The following RNLS variants were observed in gnomAD, a reference collection of about 807,000 sequenced individuals.
RNLS encodes the protein renalase.
Under a neutral mutation model 39.8 loss-of-function variants are expected in RNLS, and 39 were observed. The ratio of observed to expected loss-of-function variants is 0.98; its 90% CI spans 0.76 to 1.28. The LOEUF (loss-of-function observed/expected upper bound fraction) is 1.28, where lower values mean the gene tolerates loss of function less well. RNLS is among the 50% of genes most tolerant of loss of function. The probability of loss-of-function intolerance (pLI) is 0.00; values close to 1 mark genes in which losing one functional copy is unlikely to be tolerated. For synonymous variants in RNLS, 147 were observed against 150.7 expected, an observed-to-expected ratio of 0.98 and a Z score of 0.18; for missense variants, 410 against 413.3, an observed-to-expected ratio of 0.99 and a Z score of 0.07.
chr10:88,498,614 T>C (rs942661621), intron 4 of RNLS, among the ~76,000 whole-genome samples: 5 of 150,980 alleles, frequency 3.3e-5, no homozygotes, highest in Non-Finnish European at 7.4e-5. Context: ...ATTGTCAATA[T>C]GTAATTATGT....
At chr10:88,280,449 A>G (rs1342336725), downstream of RNLS, among the ~76,000 whole-genome samples, 1 of 152,170 alleles carries the variant, frequency 6.6e-6, no homozygotes, top group African/African-American at 2.4e-5. Context: ...ATAAGATCAT[A>G]TTTACGTAAA....
chr10:88,449,576 T>C (rs1842249170), intron 4 of RNLS, among the ~76,000 whole-genome samples: 1 of 152,206 alleles, frequency 6.6e-6, no homozygotes, highest in Non-Finnish European at 1.5e-5. Context: ...AGGACTCTCA[T>C]TTGTCTTTTT....
chr10:88,284,286 G>T lies in RNLS; in HGVS notation c.*1068C>A. The T allele has an allele frequency of 2.0e-6, 2 of 985,310 alleles. No homozygotes were observed. The highest frequency in any genetic ancestry group is 2.4e-6 in the Non-Finnish European group (2 of 829,880). The allele number at this position is 985,310 out of a possible 1,614,324, so 61.0% of individuals were successfully genotyped here. ...CTATTACAGTAAGAAGTCTTTTGTT[G>T]AACTTTTGTTAGTTTGAGAGGCTGC... On this transcript the variant is annotated 3_prime_UTR_variant, in exon 7 of 7. Transcript: ENST00000331772.
At chr10:88,412,551 A>G (rs1853740178) in intron 4 of RNLS, among the ~76,000 whole-genome samples, 1 of 152,140 alleles carries the variant, frequency 6.6e-6, no homozygotes, top group South Asian at 2.1e-4. Flanking sequence ...ACAATCAATA[A>G]TATCAAGTGC....
At chr10:88,209,810 C>T in the RNLS span, among the ~76,000 whole-genome samples, 2 of 152,228 alleles carry the variant, frequency 1.3e-5, no homozygotes, top group African/African-American at 4.8e-5. Flanking sequence ...GGCAAGCCCA[C>T]TCTGACTAGC....
rs541557776 is a variant in RNLS at position 88,548,853 on chromosome 10, T to C, written c.526+24050A>G. Among the ~76,000 whole-genome samples the C allele has an allele frequency of 7.9e-5, 12 of 152,058 alleles. No individual in the cohort carries two copies. The South Asian group carries it at 2.5e-3, about 32-fold the overall frequency. ...GCAAAAAATAAAAATAAAGCATACA[T>C]ACAAAACTGTCACATTATAACAGTA... On this transcript the variant is annotated intron_variant, in intron 4 of 6. Transcript: ENST00000331772.
At chr10:88,541,897 T>C (rs1589982910) in intron 4 of RNLS, among the ~76,000 whole-genome samples, 1 of 152,018 alleles carries the variant, frequency 6.6e-6, no homozygotes, top group Non-Finnish European at 1.5e-5. Flanking sequence ...CTGGTGAGCA[T>C]AGGGCATGAG....
chr10:88,282,130 C>T (rs142659020), downstream of RNLS, among the ~76,000 whole-genome samples: 7 of 152,200 alleles, frequency 4.6e-5, no homozygotes, highest in African/African-American at 1.7e-4. Context: ...GTATGAATCA[C>T]TTAGCCAGTA....
chr10:88,408,430 A>C (rs1359452587), intron 4 of RNLS, among the ~76,000 whole-genome samples: 1 of 152,002 alleles, frequency 6.6e-6, no homozygotes, highest in Non-Finnish European at 1.5e-5. Flanking sequence ...AGCCCTAATG[A>C]ATAAGTTTAG....
chr10:88,367,887 A>G (rs1850249169), intron 4 of RNLS, among the ~76,000 whole-genome samples: 1 of 152,042 alleles, frequency 6.6e-6, no homozygotes, highest in Non-Finnish European at 1.5e-5. Context: ...AGTTCTTTAT[A>G]TATTGTGGAT....
chr10:88,528,847 C>T (rs1440840524), intron 4 of RNLS, among the ~76,000 whole-genome samples: 2 of 131,334 alleles, frequency 1.5e-5, no homozygotes, highest in Non-Finnish European at 3.3e-5. Context: ...TGCAAGACTC[C>T]GTCTCAAAAA....
At chr10:88,500,767 G>C (rs1845429766) in intron 4 of RNLS, among the ~76,000 whole-genome samples, 1 of 151,932 alleles carries the variant, frequency 6.6e-6, no homozygotes, top group African/African-American at 2.4e-5. Context: ...TCTCCAAAAA[G>C]TTTGGCTTGG....
chr10:88,529,041 C>A (rs965176950), intron 4 of RNLS, among the ~76,000 whole-genome samples: 3 of 152,236 alleles, frequency 2.0e-5, no homozygotes, highest in Non-Finnish European at 4.4e-5. Context: ...CTGGAAGGAA[C>A]AGAAGGCACT....
chr10:88,539,303 A>G (rs1847928130), intron 4 of RNLS, among the ~76,000 whole-genome samples: 1 of 152,192 alleles, frequency 6.6e-6, no homozygotes, highest in South Asian at 2.1e-4. Flanking sequence ...TGCACATATA[A>G]TATCACATAT....
chr10:88,575,114 G>A (rs996619580), intron 3 of RNLS, among the ~76,000 whole-genome samples: 2 of 113,094 alleles, frequency 1.8e-5, no homozygotes, highest in Non-Finnish European at 1.7e-5. Context: ...GCCACAAGGT[G>A]TTCTGCAAAG....
chr10:88,210,718 A>T, the RNLS span, among the ~76,000 whole-genome samples: 1 of 152,258 alleles, frequency 6.6e-6, no homozygotes, highest in East Asian at 1.9e-4. Context: ...CTCGAATTCC[A>T]GTGGAGTTGA....
rs150387175 is a variant in RNLS, at chr10:88,342,775, C to T, written c.700+19777G>A. On this transcript the variant is annotated intron_variant, in intron 5 of 6. Transcript: ENST00000331772. Reference sequence around the variant, plus strand: ...TAGAGAACAGAATAGACAAAGGTCTCGAGGTGGAAAAAAGTATGGGAGGAA... The same window carrying T: ...TAGAGAACAGAATAGACAAAGGTCTTGAGGTGGAAAAAAGTATGGGAGGAA... 4.7e-3 allele frequency among the ~76,000 whole-genome samples: 714 copies of T among 152,056 alleles called. 4 individuals are homozygous for T. Among genetic ancestry groups the T allele is most frequent in the African/African-American group, 0.016 (670 of 41,462 alleles).
At chr10:88,510,704 C>T (rs1413960357) in intron 4 of RNLS, among the ~76,000 whole-genome samples, 2 of 151,748 alleles carry the variant, frequency 1.3e-5, no homozygotes, top group African/African-American at 2.4e-5. Context: ...ATTAGCCGGG[C>T]ATGGTGGTGC....
chr10:88,427,434 C>CT (rs1253303884), intron 4 of RNLS, among the ~76,000 whole-genome samples: 1 of 151,988 alleles, frequency 6.6e-6, no homozygotes, highest in African/African-American at 2.4e-5. Flanking sequence ...AATTGTTGAT[C>CT]TCTTTCCAAT....
Sources: allele counts gnomAD v4.1 joint callset (sites outside exome capture counted in the v4.1 genomes callset), GRCh38; gene constraint gnomAD v4.1.1; transcripts MANE v1.5; gene names NCBI Gene and HGNC (gene_info 2026-07-23, HGNC 2026-07-21).